Variants in SOS1 observed in about 807,000 individuals in gnomAD.
SOS1 encodes the protein SOS Ras/Rac guanine nucleotide exchange factor 1.
In SOS1, 25 loss-of-function variants were observed where a neutral mutation model predicts 157.6. The ratio of observed to expected loss-of-function variants is 0.16; its 90% CI spans 0.12 to 0.22. The LOEUF is 0.22. Ranked by LOEUF, SOS1 falls within the 10% of genes least tolerant of loss-of-function variation. The pLI is 1.00. For missense variants in SOS1, 1,237 were observed against 1,599.1 expected (o/e 0.77, Z 3.86); for synonymous variants, 528 against 534.0 (o/e 0.99, Z 0.16).
Position 39,051,194 on chromosome 2 carries a change from C to T in SOS1, c.814G>A (p.Glu272Lys). The stretch of plus-strand genomic sequence containing the variant: ...CCTACTAGTGGATGGGGACTGCCTT[C>T]ATCTGTCATTTCTACTGTATCTTCT... ...HIEDTVEMTDEGSPHPLVGSC... is the reference protein window; with the variant it reads ...HIEDTVEMTDKGSPHPLVGSC... The change falls in exon 6 of 23, where the codon GAA (glutamate) becomes AAA (lysine). Residue 272 changes from glutamate (E) to lysine (K), a missense_variant. This residue lies in a region of SOS1 where 108 missense variants were observed against 115.3 expected (regional missense o/e 0.94). Coordinates refer to ENST00000402219, the MANE Select transcript of SOS1 (RefSeq NM_005633.4). 6.2e-7 allele frequency: 1 copy of T among 1,613,696 alleles called. No individual in the cohort carries two copies. The highest frequency in any genetic ancestry group is 8.5e-7 in the Non-Finnish European group (1 of 1,179,678).
intron 6 of SOS1, 39 bp from the exon 7 acceptor site, chr2:39,035,539 A>C (rs1216006333): frequency 7.2e-7 from 1 of 1,382,514 alleles, no homozygotes; most frequent in Non-Finnish European, 1.0e-6. Flanking sequence ...ATAATTTACC[A>C]TTACAAACAC....
At chr2:39,087,224 A>C (rs1318675300) in intron 1 of SOS1, among the ~76,000 whole-genome samples, 2 of 152,238 alleles carry the variant, frequency 1.3e-5, no homozygotes, top group South Asian at 4.1e-4. Context: ...AGATTTCCAG[A>C]TAAATCATAT....
rs1470824092 is a variant in SOS1, at chr2:39,120,694, C to A, written c.-272G>T. 6.8e-6 allele frequency among the ~76,000 whole-genome samples: 1 copy of A among 146,700 alleles called. No individual in the cohort carries two copies. The highest frequency in any genetic ancestry group is 6.8e-5 in the Admixed American group (1 of 14,786). The stretch of plus-strand genomic sequence containing the variant: ...GCACCACCGCCCCGGGGCCAGGCCC[C>A]CCGCCCCTCCCCGGCCCGCCGGCGC... On this transcript the variant is annotated 5_prime_UTR_variant, in exon 1 of 23. Transcript: ENST00000402219.
At chr2:39,033,104 C>A (rs1269958601) in intron 8 of SOS1, among the ~76,000 whole-genome samples, 1 of 141,166 alleles carries the variant, frequency 7.1e-6, no homozygotes, top group Non-Finnish European at 1.5e-5. Context: ...GAGTTTTGCT[C>A]TTTTTGCCCA....
intron 10 of SOS1, among the ~76,000 whole-genome samples, chr2:39,015,758 T>C (rs894338076): frequency 2.6e-5 from 4 of 151,652 alleles, no homozygotes; most frequent in Non-Finnish European, 5.9e-5. Context: ...AATCACTCAC[T>C]TCTATAACTC....
intron 17 of SOS1, among the ~76,000 whole-genome samples, chr2:39,000,337 T>A (rs1669048629): frequency 6.6e-6 from 1 of 152,218 alleles, no homozygotes; most frequent in Non-Finnish European, 1.5e-5. Flanking sequence ...TCTCCCTATA[T>A]ACACATATAT....
chr2:39,029,768 T>A lies in SOS1; in HGVS notation c.1074+5444A>T, dbSNP rs551942330. Among the ~76,000 whole-genome samples the A allele has an allele frequency of 2.0e-5, 3 of 152,310 alleles. No individual in the cohort carries two copies. In the South Asian group the frequency reaches 6.2e-4, roughly 32 times the overall value. On this transcript the variant is annotated intron_variant, in intron 8 of 22. Coordinates refer to ENST00000402219, the MANE Select transcript of SOS1 (RefSeq NM_005633.4). ...TATGTTTAACTTTAGACATTCAACA[T>A]TTGTGGTCAGCTCCAATACCATGTA...
chr2:39,013,410 T>C, intron 13 of SOS1, 50 bp downstream of exon 13: 1 of 1,010,244 alleles, frequency 9.9e-7, no homozygotes. Flanking sequence ...AGTCACCGTG[T>C]TGGTACTTTT....
At chr2:39,045,237 A>AGAGAGGGAGAGG (rs1305719029) in intron 6 of SOS1, among the ~76,000 whole-genome samples, 19 of 75,616 alleles carry the variant, frequency 2.5e-4, no homozygotes, top group South Asian at 1.2e-3. Context: ...GGAATGAGAG[A>AGAGAGGGAGAGG]GAGAGGGAGA....
At chr2:39,104,145 G>A (rs1016810815) in intron 1 of SOS1, among the ~76,000 whole-genome samples, 5 of 152,070 alleles carry the variant, frequency 3.3e-5, no homozygotes, top group Admixed American at 3.3e-4. Context: ...AGCCAGGCAT[G>A]GTGGTAGGTG....
At position 39,022,188 on chromosome 2, in the gene SOS1, A is replaced by G. The variant is rs115434522; in HGVS notation, c.1858+382T>C. 4.2e-3 allele frequency among the ~76,000 whole-genome samples: 636 copies of G among 151,922 alleles called. 5 individuals carry two copies. Among genetic ancestry groups the G allele is most frequent in the African/African-American group, 0.015 (606 of 41,516 alleles). ...TGTACTACCAGCACAATTTTGTTATATTAAAATTTTTATTTATAATCTCAG... is the reference window on the plus strand; with the variant it reads ...TGTACTACCAGCACAATTTTGTTATGTTAAAATTTTTATTTATAATCTCAG... On this transcript the variant is annotated intron_variant, in intron 10 of 22. Coordinates refer to ENST00000402219, the MANE Select transcript of SOS1 (RefSeq NM_005633.4).
chr2:38,993,291 C>G (rs1022122363), intron 20 of SOS1: 11 of 152,334 alleles, frequency 7.2e-5, no homozygotes, highest in African/African-American at 2.7e-4. Flanking sequence ...TCCCAAGTAG[C>G]TGGGACTACA....
chr2:39,116,031 T>C (rs144722177), intron 1 of SOS1, among the ~76,000 whole-genome samples: 6 of 152,330 alleles, frequency 3.9e-5, no homozygotes, highest in African/African-American at 9.6e-5. Context: ...TTTCCAGTTT[T>C]TGACTGAAAA....
Position 39,058,718 on chromosome 2 carries a change from T to C in SOS1, c.300A>G (p.Arg100=). The C allele has an allele frequency of 6.2e-7, 1 of 1,612,970 alleles. No homozygotes were observed. Among genetic ancestry groups the C allele is most frequent in the South Asian group, 1.1e-5 (1 of 91,034 alleles). The change falls in exon 3 of 23, where the codon AGA becomes AGG. Residue 100 remains arginine, a synonymous_variant. Coordinates refer to ENST00000402219, the MANE Select transcript of SOS1 (RefSeq NM_005633.4). Reference sequence around the variant, plus strand: ...TTTCTACTGGGAGAGATAAAGGGTTTCTTCGCTTCCTCTTTTCAATAGCTG... The same window carrying C: ...TTTCTACTGGGAGAGATAAAGGGTTCCTTCGCTTCCTCTTTTCAATAGCTG... ...AQSAIEKRKR[R]NPLSLPVEKI... is the part of the protein sequence containing the mutation.
chr2:39,077,255 T>C (rs963314396), intron 1 of SOS1, among the ~76,000 whole-genome samples: 10 of 151,456 alleles, frequency 6.6e-5, no homozygotes, highest in African/African-American at 2.2e-4. Context: ...AGGCTAAGAA[T>C]TGCTTGATCC....
intron 11 of SOS1, 91 bp from the exon 12 acceptor site, chr2:39,014,080 T>C: frequency 8.8e-6 from 8 of 912,730 alleles, no homozygotes; most frequent in Non-Finnish European, 1.4e-5. Flanking sequence ...GTCAGCAAAA[T>C]CAAGAGAATA....
At chr2:39,079,062 C>CAAAA (rs10608351) in intron 1 of SOS1, among the ~76,000 whole-genome samples, 3 of 39,992 alleles carry the variant, frequency 7.5e-5, no homozygotes, top group Non-Finnish European at 8.2e-5. Flanking sequence ...CTCTGTCTCC[C>CAAAA]AAAAAAAAAA....
chr2:39,103,778 GA>G (rs1363921872), intron 1 of SOS1, among the ~76,000 whole-genome samples: 1 of 152,052 alleles, frequency 6.6e-6, no homozygotes, highest in Admixed American at 6.5e-5. Context: ...GACAATGAAA[GA>G]AAAAACAGAT....
intron 6 of SOS1, among the ~76,000 whole-genome samples, chr2:39,039,557 C>A (rs183770359): frequency 6.6e-6 from 1 of 152,060 alleles, no homozygotes; most frequent in African/African-American, 2.4e-5. Context: ...TATGGTTGTG[C>A]GCCATTTATT....
Sources: allele counts gnomAD v4.1 joint callset (sites outside exome capture counted in the v4.1 genomes callset), GRCh38; gene constraint gnomAD v4.1.1; regional missense constraint gnomAD v4.1.1; transcripts MANE v1.5; gene names NCBI Gene and HGNC (gene_info 2026-07-23, HGNC 2026-07-21).